ZBTB16: variants seen among roughly 807,000 people sequenced by gnomAD.
The protein encoded by ZBTB16 is zinc finger and BTB domain-containing protein 16.
ZBTB16 carries 8 observed loss-of-function variants against 56.8 expected under a neutral mutation model. That is an observed-to-expected ratio of 0.14 (90% CI 0.08 to 0.25). The LOEUF is 0.25. Ranked by LOEUF, ZBTB16 falls within the 10% of genes least tolerant of loss-of-function variation. The pLI, the probability that ZBTB16 is intolerant of heterozygous loss-of-function variation, is 1.00. For missense variants in ZBTB16, 625 were observed against 903.0 expected, an observed-to-expected ratio of 0.69 and a Z score of 3.95; for synonymous variants, 363 against 368.5, an observed-to-expected ratio of 0.98 and a Z score of 0.17.
chr11:114,168,569 A>C lies in ZBTB16; in HGVS notation c.1366+12135A>C, dbSNP rs535333800. On this transcript the variant is annotated intron_variant, in intron 3 of 6. Transcript: ENST00000335953. ...TTGCAGATGAGGACAGTAAAGAGTT[A>C]ACTTGCCTAAGATCATAAAGCTAGA... Among the ~76,000 whole-genome samples the C allele has an allele frequency of 3.3e-5, 5 of 152,340 alleles. No individual in the cohort carries two copies. The East Asian group carries it at 9.6e-4, about 29-fold the overall frequency.
intron 3 of ZBTB16, chr11:114,180,968 CAT>C (rs1943233911): frequency 6.6e-6 from 1 of 152,230 alleles, no homozygotes; most frequent in African/African-American, 2.4e-5. Flanking sequence ...CTGATACTGA[CAT>C]ATTGGTTCGA....
At chr11:114,115,597 G>T (rs762040385) in intron 2 of ZBTB16, among the ~76,000 whole-genome samples, 2 of 152,114 alleles carry the variant, frequency 1.3e-5, no homozygotes, top group Non-Finnish European at 2.9e-5. Flanking sequence ...GTGGGGTACT[G>T]GGTGTACACC....
At chr11:114,127,936 C>A (rs1002400725) in intron 2 of ZBTB16, among the ~76,000 whole-genome samples, 3 of 152,136 alleles carry the variant, frequency 2.0e-5, no homozygotes, top group African/African-American at 7.2e-5. Flanking sequence ...CCGTCTCCCC[C>A]TTGGAAGGCT....
intron 4 of ZBTB16, among the ~76,000 whole-genome samples, chr11:114,211,810 G>T (rs558759110): frequency 2.0e-5 from 3 of 152,184 alleles, no homozygotes; most frequent in African/African-American, 7.2e-5. Context: ...TTATAAGCTC[G>T]CGATGAAAGC....
At chr11:114,182,689 C>A (rs1943276818) in intron 3 of ZBTB16, among the ~76,000 whole-genome samples, 1 of 152,182 alleles carries the variant, frequency 6.6e-6, no homozygotes, top group African/African-American at 2.4e-5. Context: ...CTGGCGTGAC[C>A]TTCTTCCCTC....
chr11:114,163,660 CT>C (rs1169669094), intron 3 of ZBTB16, among the ~76,000 whole-genome samples: 1 of 152,108 alleles, frequency 6.6e-6, no homozygotes, highest in Non-Finnish European at 1.5e-5. Flanking sequence ...TCTCCCACCC[CT>C]TCACCTACAG....
chr11:114,065,289 C>T (rs1444214009), intron 2 of ZBTB16, among the ~76,000 whole-genome samples: 1 of 152,224 alleles, frequency 6.6e-6, no homozygotes, highest in East Asian at 1.9e-4. Flanking sequence ...GCATTGGCTT[C>T]CCTCCGGCTT....
intron 4 of ZBTB16, among the ~76,000 whole-genome samples, chr11:114,225,131 C>T (rs1344500834): frequency 2.0e-5 from 3 of 152,028 alleles, no homozygotes; most frequent in African/African-American, 4.8e-5. Flanking sequence ...AGTTGGACGA[C>T]GGGCCTTGAA....
At chr11:114,163,146 A>G (rs960039104) in intron 3 of ZBTB16, among the ~76,000 whole-genome samples, 1 of 152,150 alleles carries the variant, frequency 6.6e-6, no homozygotes, top group Non-Finnish European at 1.5e-5. Context: ...CTGATGAAAA[A>G]TACATTTCTT....
At chr11:114,196,316 C>T (rs1943608022) in intron 4 of ZBTB16, among the ~76,000 whole-genome samples, 1 of 152,190 alleles carries the variant, frequency 6.6e-6, no homozygotes, top group Non-Finnish European at 1.5e-5. Flanking sequence ...CTGCTATCAC[C>T]AGGAACCTGG....
At chr11:114,217,729 G>T (rs1305028714) in intron 4 of ZBTB16, among the ~76,000 whole-genome samples, 1 of 152,176 alleles carries the variant, frequency 6.6e-6, no homozygotes, top group Non-Finnish European at 1.5e-5. Context: ...CAGATGGCGG[G>T]GCATGAAGCG....
At chr11:114,128,911 A>C (rs1430349298) in intron 2 of ZBTB16, among the ~76,000 whole-genome samples, 1 of 152,194 alleles carries the variant, frequency 6.6e-6, no homozygotes, top group African/African-American at 2.4e-5. Flanking sequence ...AAGACCCCAA[A>C]TAGAGTTTGC....
intron 2 of ZBTB16, among the ~76,000 whole-genome samples, chr11:114,082,460 T>C (rs1939801807): frequency 6.6e-6 from 1 of 152,228 alleles, no homozygotes. Context: ...TTGTTTTAAC[T>C]GCTGTTTCTT....
chr11:114,228,969 G>A (rs879219541), intron 4 of ZBTB16, among the ~76,000 whole-genome samples: 1 of 152,186 alleles, frequency 6.6e-6, no homozygotes, highest in Admixed American at 6.5e-5. Flanking sequence ...CCAGCCCAGA[G>A]AGTAGCAGGT....
In ZBTB16 at chr11:114,063,798, T is replaced by G; in HGVS notation, c.498T>G (p.Ser166Arg). ...TCTCGAAGCATTCCAGCGAGGAGAGTGGGTATGCCAGTGTGGCTGGACAGA... is the reference window on the plus strand; with the variant it reads ...TCTCGAAGCATTCCAGCGAGGAGAGGGGGTATGCCAGTGTGGCTGGACAGA... The part of the protein sequence containing the change: ...IFISKHSSEE[S>R]GYASVAGQSL... Residue 166 changes from serine (S) to arginine (R), a missense_variant, in exon 2 of 7, where the codon AGT (serine) becomes AGG (arginine). Around this residue, in one of 6 missense-constraint regions of ZBTB16, gnomAD observed 384 missense variants for 393.5 expected, o/e 0.98. Transcript: ENST00000335953. This position sits in a 1 kb window ranked among gnomAD's most constrained non-coding sequence, Gnocchi z 6.5. 1 of 1,613,602 alleles carries G rather than the reference T, an allele frequency of 6.2e-7. No individual in the cohort carries two copies. The highest frequency in any genetic ancestry group is 8.5e-7 in the Non-Finnish European group (1 of 1,179,888).
chr11:114,192,984 G>A (rs1426167110), intron 4 of ZBTB16, among the ~76,000 whole-genome samples: 4 of 152,204 alleles, frequency 2.6e-5, no homozygotes, highest in East Asian at 1.9e-4. Context: ...GTTCCTAGGC[G>A]GACCCCAGAC....
At chr11:114,175,780 T>A (rs1943094418) in intron 3 of ZBTB16, among the ~76,000 whole-genome samples, 1 of 152,132 alleles carries the variant, frequency 6.6e-6, no homozygotes, top group East Asian at 1.9e-4. Context: ...CTGCCTCCTA[T>A]TCCCTTTAAA....
chr11:114,132,176 G>T (rs572318330), intron 2 of ZBTB16, among the ~76,000 whole-genome samples: 9 of 152,220 alleles, frequency 5.9e-5, no homozygotes, highest in Non-Finnish European at 1.0e-4. Flanking sequence ...GGTCTAGAAT[G>T]CTGTACAAGA....
At chr11:114,171,776 C>G (rs964727010) in intron 3 of ZBTB16, among the ~76,000 whole-genome samples, 4 of 152,246 alleles carry the variant, frequency 2.6e-5, no homozygotes, top group South Asian at 2.1e-4. Flanking sequence ...ATCTCAGTCT[C>G]TGGCACGGAC....
Sources: gnomAD v4.1 joint callset for allele counts (sites outside exome capture counted in the v4.1 genomes callset) on GRCh38, gnomAD v4.1.1 for gene constraint, gnomAD v4.1.1 regional missense constraint, Gnocchi (gnomAD v3.1) non-coding constraint, MANE v1.5 for transcripts, NCBI Gene and HGNC (gene_info 2026-07-23, HGNC 2026-07-21) for gene names.